Variants in RFX7 observed in about 807,000 individuals in gnomAD.
RFX7 encodes the protein DNA-binding protein RFX7.
Under a neutral mutation model 111.8 loss-of-function variants are expected in RFX7, and 26 were observed. The observed-to-expected ratio is 0.23, with a 90% CI of 0.17 to 0.32. The LOEUF is 0.32. Ranked by LOEUF, RFX7 falls within the 10% of genes least tolerant of loss-of-function variation. The pLI is 1.00. For missense variants in RFX7, 1,573 were observed against 1,772.9 expected (o/e 0.89, Z 2.02); for synonymous variants, 624 against 624.4 (o/e 1.00, Z 0.01).
In RFX7 at chr15:56,087,512, GCAAAGAAGTAGCACC is replaced by G. The variant is rs1432040624; in HGVS notation, c.*5818_*5832del. On this transcript the variant is annotated 3_prime_UTR_variant, in exon 10 of 10. Transcript: ENST00000559447. ...AGCAGAGAGGAAGGACAAGAACACT[GCAAAGAAGTAGCACC>G]CAAACCTTTTGGTTACATCTCTTTG... The G allele has an allele frequency of 2.2e-6, 1 of 456,704 alleles. No individual in the cohort carries two copies. The highest frequency in any genetic ancestry group is 6.9e-5 in the East Asian group (1 of 14,394). The allele number at this position is 456,704 out of a possible 1,614,324, so 28.3% of individuals were successfully genotyped here. A position where few individuals can be genotyped will look rare whatever the true frequency, so the allele number is the denominator to read the frequency against.
At chr15:56,231,722 C>A (rs144717412) in intron 2 of RFX7, among the ~76,000 whole-genome samples, 4 of 152,254 alleles carry the variant, frequency 2.6e-5, no homozygotes, top group African/African-American at 7.2e-5. Context: ...GGCATTAACT[C>A]AAAAGTCCAC....
At chr15:56,177,387 T>G (rs1425254977) in intron 3 of RFX7, among the ~76,000 whole-genome samples, 1 of 152,152 alleles carries the variant, frequency 6.6e-6, no homozygotes, top group African/African-American at 2.4e-5. Flanking sequence ...GCTTAATTAT[T>G]TAGTCACTTG....
At chr15:56,142,527 C>A (rs1408716687) in intron 5 of RFX7, among the ~76,000 whole-genome samples, 4 of 152,134 alleles carry the variant, frequency 2.6e-5, no homozygotes, top group African/African-American at 9.7e-5. Flanking sequence ...CACCACTGTC[C>A]TTGCACTCTC....
intron 5 of RFX7, among the ~76,000 whole-genome samples, chr15:56,118,014 C>CCTATCTAT (rs375074523): frequency 2.6e-5 from 4 of 151,196 alleles, no homozygotes; most frequent in African/African-American, 9.7e-5. Context: ...ATATGATAGT[C>CCTATCTAT]CTATCTATCT....
chr15:56,227,944 C>G (rs952256506), intron 2 of RFX7, among the ~76,000 whole-genome samples: 1 of 152,110 alleles, frequency 6.6e-6, no homozygotes, highest in African/African-American at 2.4e-5. Context: ...CATTATTTCT[C>G]TTTCACTTTT....
At chr15:56,219,327 C>T (rs2043400009) in intron 2 of RFX7, among the ~76,000 whole-genome samples, 1 of 152,082 alleles carries the variant, frequency 6.6e-6, no homozygotes, top group Non-Finnish European at 1.5e-5. Context: ...TTAGTGTTTG[C>T]TTAGTACATG....
At chr15:56,136,766 C>T (rs1316095284) in intron 5 of RFX7, among the ~76,000 whole-genome samples, 2 of 140,730 alleles carry the variant, frequency 1.4e-5, no homozygotes, top group African/African-American at 5.3e-5. Flanking sequence ...TCATAGATAG[C>T]TCTTATTATT....
Position 56,087,502 on chromosome 15 carries a change from C to G in RFX7, c.*5843G>C, listed in dbSNP as rs1414318113. ...CATTCCAGCCAGCAGAGAGGAAGGA[C>G]AAGAACACTGCAAAGAAGTAGCACC... is the stretch of plus-strand genomic sequence containing the variant. On this transcript the variant is annotated 3_prime_UTR_variant, in exon 10 of 10. Transcript: ENST00000559447. 1 of 456,590 alleles carries G rather than the reference C, an allele frequency of 2.2e-6. No individual in the cohort carries two copies. Among genetic ancestry groups the G allele is most frequent in the South Asian group, 1.5e-5 (1 of 64,572 alleles). The allele number at this position is 456,590 out of a possible 1,614,324, so 28.3% of individuals were successfully genotyped here.
chr15:56,237,824 G>A (rs578187165), intron 2 of RFX7, among the ~76,000 whole-genome samples: 169 of 152,298 alleles, frequency 1.1e-3, no homozygotes, highest in African/African-American at 4.0e-3. Context: ...TCATAGGAGA[G>A]CAAGGAACTG....
At chr15:56,182,941 T>C (rs1456084425) in intron 2 of RFX7, among the ~76,000 whole-genome samples, 1 of 152,188 alleles carries the variant, frequency 6.6e-6, no homozygotes, top group Admixed American at 6.5e-5. Flanking sequence ...TATCCATTTA[T>C]ACTTCCATTA....
At chr15:56,225,595 C>G (rs1596021983) in intron 2 of RFX7, among the ~76,000 whole-genome samples, 1 of 152,120 alleles carries the variant, frequency 6.6e-6, no homozygotes, top group Non-Finnish European at 1.5e-5. Context: ...TCAGGAATCC[C>G]AATCACATCT....
intron 5 of RFX7, among the ~76,000 whole-genome samples, chr15:56,114,689 G>A (rs1482180359): frequency 6.6e-6 from 1 of 151,716 alleles, no homozygotes; most frequent in Non-Finnish European, 1.5e-5. Flanking sequence ...AACTAAAGAA[G>A]AGTTAAATTA....
intron 2 of RFX7, among the ~76,000 whole-genome samples, chr15:56,191,072 T>C (rs966892491): frequency 2.0e-5 from 3 of 152,254 alleles, no homozygotes; most frequent in African/African-American, 7.2e-5. Context: ...AGCTGGACTT[T>C]TCACCATCAG....
upstream of RFX7, among the ~76,000 whole-genome samples, chr15:56,244,725 A>G (rs1412640691): frequency 6.6e-6 from 1 of 152,064 alleles, no homozygotes; most frequent in African/African-American, 2.4e-5. Flanking sequence ...AAACGCATGT[A>G]GTACTCACAA....
chr15:56,141,605 G>A (rs2042394334), intron 5 of RFX7, among the ~76,000 whole-genome samples: 1 of 136,882 alleles, frequency 7.3e-6, no homozygotes, highest in East Asian at 2.2e-4. Flanking sequence ...AAGTTTCGGA[G>A]GGGTCTATTT....
At chr15:56,132,587 A>G (rs1246009505) in intron 5 of RFX7, among the ~76,000 whole-genome samples, 1 of 152,062 alleles carries the variant, frequency 6.6e-6, no homozygotes, top group Non-Finnish European at 1.5e-5. Flanking sequence ...AATAAAAAAT[A>G]CCTAGGAAAA....
chr15:56,112,132 A>T (rs1365565529), intron 5 of RFX7, among the ~76,000 whole-genome samples: 1 of 151,446 alleles, frequency 6.6e-6, no homozygotes, highest in African/African-American at 2.4e-5. Flanking sequence ...AAAAAAAAAA[A>T]AGAATCACTA....
In RFX7 at chr15:56,219,358, T is replaced by G. The variant is rs575353474; in HGVS notation, c.161+23767A>C. On this transcript the variant is annotated intron_variant, in intron 2 of 9. Transcript: ENST00000559447. Reference sequence around the variant, plus strand: ...ACATGTTTTTTCCATCCTTTTATATTTATTGTAAATATTTTTTTAACTTTT... The same window carrying G: ...ACATGTTTTTTCCATCCTTTTATATGTATTGTAAATATTTTTTTAACTTTT... 9.8e-5 allele frequency among the ~76,000 whole-genome samples: 15 copies of G among 152,344 alleles called. No homozygotes were observed. The South Asian group carries it at 2.1e-3, about 21-fold the overall frequency.
chr15:56,143,456 G>C (rs1469529699), intron 4 of RFX7, among the ~76,000 whole-genome samples: 2 of 151,902 alleles, frequency 1.3e-5, no homozygotes, highest in South Asian at 4.2e-4. Context: ...GAGAGATCCT[G>C]AACAGACAAA....
Sources: gnomAD v4.1 joint callset for allele counts (sites outside exome capture counted in the v4.1 genomes callset) on GRCh38, gnomAD v4.1.1 for gene constraint, MANE v1.5 for transcripts, NCBI Gene and HGNC (gene_info 2026-07-23, HGNC 2026-07-21) for gene names.